NCR3LG1: variants seen among roughly 807,000 people sequenced by gnomAD.
NCR3LG1 encodes natural killer cell cytotoxicity receptor 3 ligand 1, also known as natural cytotoxicity triggering receptor 3 ligand 1.
Under a neutral mutation model 34.8 loss-of-function variants are expected in NCR3LG1, and 35 were observed. The observed-to-expected ratio is 1.01, with a 90% CI of 0.77 to 1.33. The LOEUF is 1.33. Ranked by LOEUF, NCR3LG1 falls within the 40% of genes most tolerant of loss-of-function variation. The pLI is 0.00. For missense variants in NCR3LG1, 452 were observed against 423.3 expected (o/e 1.07, Z -0.60); for synonymous variants, 173 against 163.6 (o/e 1.06, Z -0.44).
chr11:17,368,554 G>T (rs763898237), intron 3 of NCR3LG1, among the ~76,000 whole-genome samples: 8 of 152,154 alleles, frequency 5.3e-5, no homozygotes, highest in Non-Finnish European at 1.2e-4. Context: ...TATGGTACGA[G>T]GGGTTGTCTA....
At chr11:17,368,636 T>G (rs1248717283) in intron 3 of NCR3LG1, among the ~76,000 whole-genome samples, 1 of 152,202 alleles carries the variant, frequency 6.6e-6, no homozygotes, top group Non-Finnish European at 1.5e-5. Flanking sequence ...AGCACAATTA[T>G]GTGGTACGTG....
At chr11:17,352,845 T>TA (rs1186268197) in intron 1 of NCR3LG1, among the ~76,000 whole-genome samples, 1 of 151,870 alleles carries the variant, frequency 6.6e-6, no homozygotes, top group African/African-American at 2.4e-5. Context: ...TGCGTTAACT[T>TA]AAACAGGAGA....
chr11:17,374,754 A>G lies in NCR3LG1; in HGVS notation c.*2242A>G, dbSNP rs968969016. The G allele has an allele frequency of 3.3e-5, 5 of 152,188 alleles. No individual in the cohort carries two copies. Among genetic ancestry groups the G allele is most frequent in the African/African-American group, 4.8e-5 (2 of 41,450 alleles). The allele number at this position is 152,188 out of a possible 1,614,324, so 9.4% of individuals were successfully genotyped here. ...TATGATAAAATAGGTTGCCCTTTAT[A>G]TCACCTTATAAAAGAAATTCAAGTG... On this transcript the variant is annotated 3_prime_UTR_variant, in exon 5 of 5. Coordinates refer to ENST00000338965, the MANE Select transcript of NCR3LG1 (RefSeq NM_001202439.3).
rs186116555 is a variant in NCR3LG1 at position 17,368,925 on chromosome 11, T to C, written c.819T>C (p.Val273=). The C allele has an allele frequency of 2.3e-5, 36 of 1,535,352 alleles. No individual in the cohort carries two copies. The East Asian group carries it at 6.6e-4, about 28-fold the overall frequency. The change falls in exon 4 of 5, where the codon GTT becomes GTC. Residue 273 remains valine, a synonymous_variant. Transcript: ENST00000338965. The stretch of plus-strand genomic sequence containing the variant: ...GGTGGCCTATTTCATTCATTGGTGT[T>C]GGACTGGTTTTATTAATTGTTTTGA... ...IHWWPISFIG[V]GLVLLIVLIP...
intron 4 of NCR3LG1, among the ~76,000 whole-genome samples, chr11:17,371,501 C>T (rs780564819): frequency 6.6e-6 from 1 of 151,490 alleles, no homozygotes; most frequent in Admixed American, 6.6e-5. Context: ...GGAGGGAGAA[C>T]AGCCATTCAA....
intron 1 of NCR3LG1, among the ~76,000 whole-genome samples, chr11:17,353,433 C>T (rs1953163312): frequency 6.6e-6 from 1 of 151,998 alleles, no homozygotes; most frequent in Non-Finnish European, 1.5e-5. Context: ...GGTCTGGAAA[C>T]GCCTGTCGCT....
At chr11:17,360,935 C>T (rs1169204599) in intron 2 of NCR3LG1, among the ~76,000 whole-genome samples, 4 of 152,026 alleles carry the variant, frequency 2.6e-5, no homozygotes, top group East Asian at 1.9e-4. Flanking sequence ...AGAGTTTCGC[C>T]GTGTAGCCCA....
chr11:17,378,744 A>G (rs915391278), downstream of NCR3LG1, among the ~76,000 whole-genome samples: 1 of 152,188 alleles, frequency 6.6e-6, no homozygotes, highest in Admixed American at 6.5e-5. Context: ...GGTCCTCGGT[A>G]AAATTCTTCC....
downstream of NCR3LG1, chr11:17,380,931 C>A (rs1288446737): frequency 2.0e-5 from 3 of 152,140 alleles, no homozygotes; most frequent in Admixed American, 2.0e-4. Flanking sequence ...GAACTTAATT[C>A]TTTCTTATAG....
At chr11:17,371,813 G>A (rs1311780060) in intron 4 of NCR3LG1, among the ~76,000 whole-genome samples, 193 bp from the exon 5 acceptor site, 1 of 152,192 alleles carries the variant, frequency 6.6e-6, no homozygotes. Flanking sequence ...GTGAGCACAA[G>A]CTAGCTCCTC....
chr11:17,364,612 T>C (rs1054144923), intron 2 of NCR3LG1, among the ~76,000 whole-genome samples: 2 of 152,024 alleles, frequency 1.3e-5, no homozygotes, highest in African/African-American at 4.8e-5. Context: ...AGTGGCGTGA[T>C]CTCAGGTCAC....
In NCR3LG1 at chr11:17,356,786, G is replaced by T; in HGVS notation, c.206G>T (p.Ser69Ile). ...ATGGGTATCACCTGGTTTTGGAAGA[G>T]TCTGACGTTTGACAAAGAAGTCAAA... ...TSMGITWFWK[S>I]LTFDKEVKVF... The change falls in exon 2 of 5, where the codon AGT (serine) becomes ATT (isoleucine). Residue 69 changes from serine (S) to isoleucine (I), a missense_variant. Physicochemically the swap from Ser to Ile is moderately radical, Grantham distance 142. Transcript: ENST00000338965. The T allele has an allele frequency of 6.5e-7, 1 of 1,536,304 alleles. No individual in the cohort carries two copies. Among genetic ancestry groups the T allele is most frequent in the Non-Finnish European group, 8.7e-7 (1 of 1,146,944 alleles).
intron 4 of NCR3LG1, among the ~76,000 whole-genome samples, 186 bp from the exon 5 acceptor site, chr11:17,371,820 C>A (rs973562714): frequency 6.6e-6 from 1 of 152,160 alleles, no homozygotes; most frequent in Non-Finnish European, 1.5e-5. Flanking sequence ...CAAGCTAGCT[C>A]CTCCGGATTC....
intron 2 of NCR3LG1, among the ~76,000 whole-genome samples, chr11:17,362,229 A>G (rs917846668): frequency 6.6e-6 from 1 of 152,188 alleles, no homozygotes; most frequent in Non-Finnish European, 1.5e-5. Context: ...TGGTATGATC[A>G]TATAATTTTT....
In NCR3LG1 at chr11:17,356,657, T is replaced by G; in HGVS notation, c.77T>G (p.Leu26Arg). Reference sequence around the variant, plus strand: ...TGTCCTCTTATTGCCACAGGTGATCTGAAAGTAGAGATGATGGCAGGGGGG... The same window carrying G: ...TGTCCTCTTATTGCCACAGGTGATCGGAAAGTAGAGATGATGGCAGGGGGG... Reference protein sequence around the residue: ...LLWALTTEGDLKVEMMAGGTQ... With the variant: ...LLWALTTEGDRKVEMMAGGTQ... The change falls in exon 2 of 5, where the codon CTG becomes CGG. Residue 26 changes from leucine (L) to arginine (R), a missense_variant. Coordinates refer to ENST00000338965, the MANE Select transcript of NCR3LG1 (RefSeq NM_001202439.3). 1.1e-5 allele frequency: 17 copies of G among 1,530,368 alleles called. No individual in the cohort carries two copies. Among genetic ancestry groups the G allele is most frequent in the Non-Finnish European group, 1.5e-5 (17 of 1,143,322 alleles). The allele number at this position is 1,530,368 out of a possible 1,614,324, so 94.8% of individuals were successfully genotyped here.
At chr11:17,356,506 C>G (rs945744248) in intron 1 of NCR3LG1, 145 bp from the exon 2 acceptor site, 1 of 634,802 alleles carries the variant, frequency 1.6e-6, no homozygotes. Flanking sequence ...AATCGCTTCC[C>G]AAAGGCCCTG....
At chr11:17,355,032 ATT>A (rs1352169258) in intron 1 of NCR3LG1, among the ~76,000 whole-genome samples, 1 of 152,158 alleles carries the variant, frequency 6.6e-6, no homozygotes, top group Non-Finnish European at 1.5e-5. Context: ...CAAATGTAAT[ATT>A]TTGAACTGTC....
Position 17,356,865 on chromosome 11 carries a change from G to A in NCR3LG1, c.285G>A (p.Val95=). The A allele has an allele frequency of 2.6e-6, 4 of 1,536,158 alleles. No individual in the cohort carries two copies. Among genetic ancestry groups the A allele is most frequent in the Non-Finnish European group, 3.5e-6 (4 of 1,146,906 alleles). ...AGGCATTCCGACCTGGAGCCATTGT[G>A]TCTCCATGGAGGCTGAAGAGTGGGG... ...HQEAFRPGAI[V]SPWRLKSGDA... is the part of the protein sequence containing the mutation. Residue 95 remains valine (V), a synonymous_variant, in exon 2 of 5, where the codon GTG becomes GTA. Transcript: ENST00000338965.
chr11:17,361,587 T>C (rs1273119975), intron 2 of NCR3LG1, among the ~76,000 whole-genome samples: 1 of 150,336 alleles, frequency 6.7e-6, no homozygotes, highest in Non-Finnish European at 1.5e-5. Context: ...ACCTGGCCAA[T>C]GGTATTATAT....
Sources: allele counts gnomAD v4.1 joint callset (sites outside exome capture counted in the v4.1 genomes callset), GRCh38; gene constraint gnomAD v4.1.1; transcripts MANE v1.5; gene names NCBI Gene and HGNC (gene_info 2026-07-23, HGNC 2026-07-21).